ANKRD36C: variants seen among roughly 807,000 people sequenced by gnomAD.
ANKRD36C encodes the protein ankyrin repeat domain-containing protein 36C.
Under a neutral mutation model 276.4 loss-of-function variants are expected in ANKRD36C, and 61 were observed. The ratio of observed to expected loss-of-function variants is 0.22; its 90% confidence interval spans 0.18 to 0.27. The LOEUF (loss-of-function observed/expected upper bound fraction) is 0.27, where lower values mean the gene tolerates loss of function less well. ANKRD36C is among the 10% of genes least tolerant of loss of function. The pLI, the probability that ANKRD36C is intolerant of heterozygous loss-of-function variation, is 1.00. For missense variants in ANKRD36C, 1,447 were observed against 2,032.3 expected, an observed-to-expected ratio of 0.71 and a Z score of 5.54; for synonymous variants, 483 against 680.1, an observed-to-expected ratio of 0.71 and a Z score of 4.51.
At chr2:95,891,384 A>G (rs938315034) in intron 46 of ANKRD36C, among the ~76,000 whole-genome samples, 2 of 151,444 alleles carry the variant, frequency 1.3e-5, no homozygotes, top group African/African-American at 2.4e-5. Context: ...CTGGAGAATT[A>G]AAGCAAAATT....
At chr2:95,972,934 A>C (rs542756251) in intron 6 of ANKRD36C, among the ~76,000 whole-genome samples, 1 of 152,288 alleles carries the variant, frequency 6.6e-6, no homozygotes, top group Admixed American at 6.5e-5. Flanking sequence ...TCAACTCACC[A>C]AGGTTTCTTT....
chr2:95,963,972 A>AATATATATATATATATAT (rs1160108122), intron 6 of ANKRD36C, among the ~76,000 whole-genome samples: 11 of 48,968 alleles, frequency 2.2e-4, no homozygotes, highest in Admixed American at 8.6e-4. Context: ...TATATATATA[A>AATATATATATATATATAT]ATATATATAT....
chr2:95,988,709 CTAAAA>C (rs1482228164), intron 1 of ANKRD36C, among the ~76,000 whole-genome samples: 3 of 151,980 alleles, frequency 2.0e-5, no homozygotes, highest in African/African-American at 7.2e-5. Flanking sequence ...CACTGATAAA[CTAAAA>C]TAATTAATTT....
chr2:95,940,138 G>T (rs1677834630), intron 20 of ANKRD36C, among the ~76,000 whole-genome samples: 1 of 152,174 alleles, frequency 6.6e-6, no homozygotes, highest in African/African-American at 2.4e-5. Context: ...CCTGCCTCAG[G>T]CTCCCTAGTA....
chr2:95,944,482 A>C (rs1677979606), intron 19 of ANKRD36C, 145 bp downstream of exon 19: 2 of 786,722 alleles, frequency 2.5e-6, no homozygotes, highest in East Asian at 5.5e-5. Context: ...GGAGATGGCA[A>C]GTGAATAAAG....
intron 24 of ANKRD36C, among the ~76,000 whole-genome samples, chr2:95,933,453 G>C (rs1677624308): frequency 6.6e-6 from 1 of 152,114 alleles, no homozygotes; most frequent in African/African-American, 2.4e-5. Flanking sequence ...TTATATCCTT[G>C]AGCAGTGGTT....
chr2:95,928,747 C>G (rs544437697), intron 26 of ANKRD36C, among the ~76,000 whole-genome samples: 1 of 151,302 alleles, frequency 6.6e-6, no homozygotes, highest in Non-Finnish European at 1.5e-5. Context: ...ATTACTTCAT[C>G]TCGTTCTCTT....
intron 44 of ANKRD36C, among the ~76,000 whole-genome samples, chr2:95,894,771 T>C (rs1229570606): frequency 1.3e-5 from 2 of 151,494 alleles, no homozygotes; most frequent in South Asian, 4.2e-4. Flanking sequence ...TGTGTTTTTA[T>C]GCCAATTCAA....
intron 42 of ANKRD36C, 37 bp from the exon 48 acceptor site, chr2:95,908,611 A>G (rs1020145533): frequency 4.5e-6 from 7 of 1,563,064 alleles, no homozygotes; most frequent in South Asian, 2.3e-5. Context: ...AAATTAATAA[A>G]GTATGTTTCA....
chr2:95,929,112 A>G (rs749531141), exon 26 of ANKRD36C: 36 of 1,603,562 alleles, frequency 2.2e-5, no homozygotes, highest in Non-Finnish European at 2.5e-5. Context: ...CTGTGGCTAT[A>G]TTTGAAACAG....
intron 30 of ANKRD36C, 90 bp from the exon 31 acceptor site, chr2:95,923,779 C>T: frequency 5.1e-6 from 8 of 1,555,706 alleles, no homozygotes; most frequent in Non-Finnish European, 6.1e-6. Context: ...AAGCTGTATG[C>T]TCCTGCCTGT....
intron 36 of ANKRD36C, among the ~76,000 whole-genome samples, chr2:95,916,861 A>C (rs1222134314): frequency 2.0e-5 from 3 of 151,686 alleles, no homozygotes; most frequent in Non-Finnish European, 3.0e-5. Flanking sequence ...ACTCGATAAA[A>C]ATATCATCAA....
chr2:95,935,316 A>G, intron 24 of ANKRD36C, 138 bp downstream of exon 24: 1 of 948,562 alleles, frequency 1.1e-6, no homozygotes, highest in Admixed American at 3.1e-5. Flanking sequence ...ATAAGCATAG[A>G]CACTAACAGC....
intron 24 of ANKRD36C, among the ~76,000 whole-genome samples, chr2:95,931,849 TACAC>T (rs1553405639): frequency 9.0e-6 from 1 of 111,606 alleles, no homozygotes; most frequent in Non-Finnish European, 2.1e-5. Flanking sequence ...TACACACACA[TACAC>T]ACACACACAC....
intron 52 of ANKRD36C, 40 bp downstream of exon 72, chr2:95,886,008 A>C (rs777792108): frequency 1.9e-6 from 3 of 1,579,076 alleles, no homozygotes; most frequent in South Asian, 1.2e-5. Context: ...TTTCTCTTCT[A>C]TTTGATCGAA....
At chr2:95,867,671 A>G in intron 59 of ANKRD36C, 90 bp from the exon 80 acceptor site, 1 of 1,536,972 alleles carries the variant, frequency 6.5e-7, no homozygotes, top group Non-Finnish European at 8.8e-7. Context: ...CCATCTGTTT[A>G]TATGAGCACA....
At chr2:95,868,256 T>G (rs1237460186) in intron 59 of ANKRD36C, among the ~76,000 whole-genome samples, 1 of 151,820 alleles carries the variant, frequency 6.6e-6, no homozygotes, top group East Asian at 1.9e-4. Context: ...ATTGGTTTTG[T>G]ACTGTTTGTA....
At chr2:95,892,815 A>C (rs1676413703) in intron 44 of ANKRD36C, among the ~76,000 whole-genome samples, 1 of 151,408 alleles carries the variant, frequency 6.6e-6, no homozygotes, top group Non-Finnish European at 1.5e-5. Context: ...TTCAGATTCA[A>C]CTTTGTCTCA....
In ANKRD36C at chr2:95,919,068, G is replaced by A. The variant is rs1437107752; in HGVS notation, c.2246-1026C>T. On this transcript the variant is annotated intron_variant, in intron 34 of 66. Coordinates refer to ENST00000456556, the Ensembl canonical transcript of ANKRD36C. ...TCTGATGCCTAATAGTAACAAAAAGGAGTAATGAGTCAGTGTGCTTTATCC... is the reference window on the plus strand; with the variant it reads ...TCTGATGCCTAATAGTAACAAAAAGAAGTAATGAGTCAGTGTGCTTTATCC... Among the ~76,000 whole-genome samples the A allele has an allele frequency of 8.1e-5, 11 of 135,474 alleles. 1 individual carries two copies. Among genetic ancestry groups the A allele is most frequent in the African/African-American group, 1.5e-4 (6 of 39,436 alleles). The allele number at this position is 135,474 out of a possible 152,430, so 88.9% of individuals were successfully genotyped here. A position where few individuals can be genotyped will look rare whatever the true frequency, so the allele number is the denominator to read the frequency against.
Sources: gnomAD v4.1 joint callset for allele counts (sites outside exome capture counted in the v4.1 genomes callset) on GRCh38, gnomAD v4.1.1 for gene constraint, MANE v1.5 for transcripts, NCBI Gene and HGNC (gene_info 2026-07-23, HGNC 2026-07-21) for gene names.